The following ZNRF1 variants were observed in gnomAD, a reference collection of about 807,000 sequenced individuals.
ZNRF1 encodes zinc and ring finger 1, also known as E3 ubiquitin-protein ligase ZNRF1.
A neutral mutation model predicts 18.4 loss-of-function variants in ZNRF1; 3 were observed. The ratio of observed to expected loss-of-function variants is 0.16; its 90% CI spans 0.07 to 0.42. ZNRF1 has a LOEUF of 0.42. ZNRF1 is among the 10% of genes least tolerant of loss of function. ZNRF1 has a pLI of 0.99. For synonymous variants in ZNRF1, 157 were observed against 144.2 expected (o/e 1.09, Z -0.64); for missense variants, 310 against 329.8 (o/e 0.94, Z 0.47).
chr16:75,059,245 CTT>C (rs59289376), intron 1 of ZNRF1, among the ~76,000 whole-genome samples: 5 of 66,990 alleles, frequency 7.5e-5, no homozygotes, highest in South Asian at 1.2e-3. Flanking sequence ...TTTTTTTTTT[CTT>C]TTTTTTTTTT....
At position 75,093,685 on chromosome 16, in the gene ZNRF1, C is replaced by A; in HGVS notation, c.520+18C>A. ...CTACAACGGTAAGGGCTTGGCCTGC[C>A]TCACCAGCCTCCAGAGCATCCGTCG... On this transcript the variant is annotated intron_variant, in intron 2 of 4. Transcript: ENST00000335325. 1 of 1,601,430 alleles carries A rather than the reference C, an allele frequency of 6.2e-7. No homozygotes were observed. The highest frequency in any genetic ancestry group is 8.6e-7 in the Non-Finnish European group (1 of 1,168,660).
intron 1 of ZNRF1, among the ~76,000 whole-genome samples, chr16:75,068,613 C>T (rs1597892797): frequency 6.6e-6 from 1 of 152,202 alleles, no homozygotes; most frequent in East Asian, 1.9e-4. Flanking sequence ...ATAGCAGGAC[C>T]TTTGGAGGAA....
intron 1 of ZNRF1, among the ~76,000 whole-genome samples, chr16:75,088,854 G>A (rs369750485): frequency 1.3e-5 from 2 of 152,210 alleles, no homozygotes; most frequent in African/African-American, 4.8e-5. Context: ...ATATGCAAGA[G>A]TAGGTGCTGC....
At chr16:75,060,983 A>G (rs1311350957) in intron 1 of ZNRF1, among the ~76,000 whole-genome samples, 1 of 152,166 alleles carries the variant, frequency 6.6e-6, no homozygotes, top group Admixed American at 6.5e-5. Flanking sequence ...TTCAGATCCT[A>G]ATATGAAGCT....
At chr16:75,088,681 G>A (rs1292561234) in intron 1 of ZNRF1, among the ~76,000 whole-genome samples, 2 of 152,194 alleles carry the variant, frequency 1.3e-5, no homozygotes, top group African/African-American at 2.4e-5. Context: ...TTCTGGCCAT[G>A]CGAATCTTGA....
chr16:75,073,146 C>CTCTCTCTCTCTCTCTG lies in ZNRF1; in HGVS notation c.425-20419_425-20418insCTCTCTCTGTCTCTCT, dbSNP rs146902791. ...TCTCTCTCTCTCTCTCTCTCTCTCT[C>CTCTCTCTCTCTCTCTG]TCTCTCTGTCTCTCTGTCTATATAT... is the stretch of plus-strand genomic sequence containing the variant. On this transcript the variant is annotated intron_variant, in intron 1 of 4. Transcript: ENST00000335325. Among the ~76,000 whole-genome samples the CTCTCTCTCTCTCTCTG allele has an allele frequency of 9.2e-3, 1,189 of 128,660 alleles. 26 individuals are homozygous for CTCTCTCTCTCTCTCTG. Among genetic ancestry groups the CTCTCTCTCTCTCTCTG allele is most frequent in the Admixed American group, 0.031 (381 of 12,356 alleles). 84.4% of individuals were successfully genotyped at this position (128,660 alleles called of 152,430 possible).
intron 1 of ZNRF1, among the ~76,000 whole-genome samples, chr16:75,048,678 G>C (rs1402828799): frequency 3.3e-5 from 5 of 152,122 alleles, no homozygotes; most frequent in Non-Finnish European, 5.9e-5. Flanking sequence ...ATTTTTGGCA[G>C]AAGGACTGCA....
At position 74,999,457 on chromosome 16, in the gene ZNRF1, T is replaced by C; in HGVS notation, c.-215T>C. The stretch of plus-strand genomic sequence containing the variant: ...GGAAACATGCGTTTGCCTTGGATCG[T>C]TTGAAATTCTGAGTTTGGGATCCCC... On this transcript the variant is annotated 5_prime_UTR_variant, in exon 1 of 5. Coordinates refer to ENST00000335325, the MANE Select transcript of ZNRF1 (RefSeq NM_032268.5). The C allele has an allele frequency of 2.5e-6, 1 of 400,358 alleles. No individual in the cohort carries two copies. The highest frequency in any genetic ancestry group is 3.7e-5 in the East Asian group (1 of 27,192). The allele number at this position is 400,358 out of a possible 1,614,324, so 24.8% of individuals were successfully genotyped here. A position where few individuals can be genotyped will look rare whatever the true frequency, so the allele number is the denominator to read the frequency against.
chr16:75,046,639 G>C (rs765551625), intron 1 of ZNRF1: 1 of 151,968 alleles, frequency 6.6e-6, no homozygotes, highest in Non-Finnish European at 1.5e-5. Context: ...ACAGTGGCGC[G>C]ATCTCTGCTC....
chr16:75,039,891 C>G (rs899825406), intron 1 of ZNRF1, among the ~76,000 whole-genome samples: 4 of 152,058 alleles, frequency 2.6e-5, no homozygotes, highest in Non-Finnish European at 2.9e-5. Context: ...TAGGGATCCT[C>G]CAGATGTTGT....
In ZNRF1 at chr16:75,108,594, A is replaced by T. The variant is rs2036343985; in HGVS notation, c.*894A>T. ...GCAAGATAGGTTTCTGTATTTATAT[A>T]TTAAAATACAAAAAAAAACTTATAA... On this transcript the variant is annotated 3_prime_UTR_variant, in exon 5 of 5. Transcript: ENST00000335325. The T allele has an allele frequency of 5.0e-6, 2 of 398,876 alleles. No homozygotes were observed. The highest frequency in any genetic ancestry group is 8.8e-6 in the Non-Finnish European group (2 of 226,068). 24.7% of individuals were successfully genotyped at this position (398,876 alleles called of 1,614,324 possible). A position where few individuals can be genotyped will look rare whatever the true frequency, so the allele number is the denominator to read the frequency against.
intron 1 of ZNRF1, among the ~76,000 whole-genome samples, chr16:75,038,716 T>G (rs916575559): frequency 1.2e-4 from 19 of 152,336 alleles, no homozygotes; most frequent in African/African-American, 4.6e-4. Context: ...CAGGAAGTCC[T>G]GTGTGTGTGT....
At chr16:75,023,190 A>T (rs1034640711) in intron 1 of ZNRF1, among the ~76,000 whole-genome samples, 1 of 152,152 alleles carries the variant, frequency 6.6e-6, no homozygotes, top group African/African-American at 2.4e-5. Context: ...TCAAGTTGGA[A>T]ATTCCTTGTA....
At chr16:75,000,281 G>A (rs865957558) in intron 1 of ZNRF1, 186 bp downstream of exon 1, 2 of 912,080 alleles carry the variant, frequency 2.2e-6, no homozygotes, top group Admixed American at 2.0e-5. Flanking sequence ...GCGAGGCTGC[G>A]GAGCCTGGCG....
At chr16:75,106,405 T>C in intron 3 of ZNRF1, 77 bp from the exon 4 acceptor site, 1 of 1,494,620 alleles carries the variant, frequency 6.7e-7, no homozygotes, top group Admixed American at 1.7e-5. Context: ...CTCAGGAATC[T>C]GGCCCTCTGA....
chr16:75,025,626 A>T (rs2035212246), intron 1 of ZNRF1, among the ~76,000 whole-genome samples: 1 of 152,206 alleles, frequency 6.6e-6, no homozygotes, highest in South Asian at 2.1e-4. Flanking sequence ...TTAAATAATA[A>T]GCCAGCAAAG....
At chr16:75,032,988 G>T (rs1208643263) in intron 1 of ZNRF1, among the ~76,000 whole-genome samples, 1 of 152,110 alleles carries the variant, frequency 6.6e-6, no homozygotes, top group Admixed American at 6.6e-5. Context: ...ACTCCATCTG[G>T]GTGACAGAGC....
intron 1 of ZNRF1, among the ~76,000 whole-genome samples, chr16:75,016,776 C>T (rs1366742068): frequency 1.3e-5 from 2 of 148,830 alleles, no homozygotes; most frequent in Non-Finnish European, 3.0e-5. Flanking sequence ...AACTCCTGAC[C>T]TCAGGTGATT....
intron 2 of ZNRF1, among the ~76,000 whole-genome samples, chr16:75,097,525 C>T (rs2145425227): frequency 6.6e-6 from 1 of 152,284 alleles, no homozygotes; most frequent in South Asian, 2.1e-4. Flanking sequence ...GTCACACAAG[C>T]TGTCTTTTAA....
Sources: allele counts gnomAD v4.1 joint callset (sites outside exome capture counted in the v4.1 genomes callset), GRCh38; gene constraint gnomAD v4.1.1; transcripts MANE v1.5; gene names NCBI Gene and HGNC (gene_info 2026-07-23, HGNC 2026-07-21).